PHACTR3: variants seen among roughly 807,000 people sequenced by gnomAD.
The protein encoded by PHACTR3 is protein phosphatase 1, regulatory subunit 123.
PHACTR3 carries 16 observed loss-of-function variants against 66.8 expected under a neutral mutation model. The ratio of observed to expected loss-of-function variants is 0.24; its 90% CI spans 0.16 to 0.36. PHACTR3 has a LOEUF of 0.36. Among genes scored for constraint, PHACTR3 ranks in the 10% least tolerant of loss-of-function variants. The probability of loss-of-function intolerance (pLI) is 1.00; values close to 1 mark genes in which losing one functional copy is unlikely to be tolerated. For synonymous variants in PHACTR3, 323 were observed against 292.1 expected (o/e 1.11, Z -1.08); for missense variants, 647 against 719.9 (o/e 0.90, Z 1.16).
intron 8 of PHACTR3, among the ~76,000 whole-genome samples, chr20:59,813,659 C>T (rs1468897860): frequency 6.6e-6 from 1 of 152,054 alleles, no homozygotes; most frequent in African/African-American, 2.4e-5. Context: ...GCAGACCAGC[C>T]AGTGAGAGCT....
At chr20:59,764,192 G>A (rs924310863) in intron 4 of PHACTR3, among the ~76,000 whole-genome samples, 1 of 152,122 alleles carries the variant, frequency 6.6e-6, no homozygotes, top group South Asian at 2.1e-4. Flanking sequence ...GATAGATCCA[G>A]ATGATTGGCT....
chr20:59,734,747 C>A (rs2038888044), intron 1 of PHACTR3, among the ~76,000 whole-genome samples: 1 of 152,054 alleles, frequency 6.6e-6, no homozygotes, highest in Non-Finnish European at 1.5e-5. Context: ...GACCTCAGAC[C>A]TAGCTTCCCC....
intron 1 of PHACTR3, among the ~76,000 whole-genome samples, chr20:59,620,480 CT>C (rs1339796385): frequency 6.6e-6 from 1 of 152,242 alleles, no homozygotes; most frequent in Non-Finnish European, 1.5e-5. Flanking sequence ...TCCTTAGTGT[CT>C]TCATAGCCTG....
intron 1 of PHACTR3, among the ~76,000 whole-genome samples, chr20:59,647,793 A>AG (rs2035334813): frequency 6.6e-6 from 1 of 152,192 alleles, no homozygotes; most frequent in Non-Finnish European, 1.5e-5. Context: ...TTCAGGTCCC[A>AG]GTCCCACCCT....
At chr20:59,746,610 G>A (rs1363543078) in intron 2 of PHACTR3, among the ~76,000 whole-genome samples, 1 of 152,230 alleles carries the variant, frequency 6.6e-6, no homozygotes, top group African/African-American at 2.4e-5. Context: ...ATGCTTTTGA[G>A]TAAGTGAAAT....
intron 1 of PHACTR3, among the ~76,000 whole-genome samples, chr20:59,649,329 G>T (rs577837676): frequency 6.6e-6 from 1 of 152,168 alleles, no homozygotes; most frequent in South Asian, 2.1e-4. Context: ...TCCTTAAAAA[G>T]ATTTCTTTAA....
intron 4 of PHACTR3, among the ~76,000 whole-genome samples, chr20:59,759,312 A>G (rs1161966073): frequency 6.6e-6 from 1 of 152,236 alleles, no homozygotes; most frequent in African/African-American, 2.4e-5. Context: ...TAAACGGGGT[A>G]TAACTTAACA....
At chr20:59,666,422 G>A (rs556084599) in intron 1 of PHACTR3, among the ~76,000 whole-genome samples, 2 of 152,344 alleles carry the variant, frequency 1.3e-5, no homozygotes, top group East Asian at 3.9e-4. Flanking sequence ...GGAATGTCAG[G>A]TGGATTCAGG....
At chr20:59,791,878 A>C (rs1168659033) in intron 7 of PHACTR3, among the ~76,000 whole-genome samples, 1 of 152,076 alleles carries the variant, frequency 6.6e-6, no homozygotes, top group Non-Finnish European at 1.5e-5. Flanking sequence ...AAGGAGCCCC[A>C]GTGCTACTGG....
Position 59,831,542 on chromosome 20 carries a change from C to T in PHACTR3, c.1329-4963C>T, listed in dbSNP as rs534056112. ...CGGCACCAGGACGTCACCAGCAGCCCCATTTCTGAATCAGGAGTCTCAAGC... is the reference window on the plus strand; with the variant it reads ...CGGCACCAGGACGTCACCAGCAGCCTCATTTCTGAATCAGGAGTCTCAAGC... On this transcript the variant is annotated intron_variant, in intron 8 of 12. Coordinates refer to ENST00000371015, the MANE Select transcript of PHACTR3 (RefSeq NM_080672.5). Among the ~76,000 whole-genome samples the T allele has an allele frequency of 3.8e-3, 586 of 152,256 alleles. 1 individual carries two copies. Among genetic ancestry groups the T allele is most frequent in the Non-Finnish European group, 4.7e-3 (319 of 68,012 alleles).
chr20:59,840,489 G>A (rs185186458), intron 10 of PHACTR3, 59 bp downstream of exon 10: 79 of 1,600,800 alleles, frequency 4.9e-5, no homozygotes, highest in Admixed American at 1.7e-4. Context: ...CAGCTGCTTC[G>A]GTAGCAGGTG....
At chr20:59,671,112 C>G (rs1021385443) in intron 1 of PHACTR3, among the ~76,000 whole-genome samples, 2 of 152,172 alleles carry the variant, frequency 1.3e-5, no homozygotes, top group Admixed American at 1.3e-4. Flanking sequence ...TTATTCTGAG[C>G]TTTTTTTTCT....
In PHACTR3 at chr20:59,643,132, C is replaced by T. The variant is rs971180698; in HGVS notation, c.118+38000C>T. On this transcript the variant is annotated intron_variant, in intron 1 of 12. Transcript: ENST00000371015. Reference sequence around the variant, plus strand: ...TTCACCATGTTAGCCAGGATGGTCTCGATCTCATGACCTTGTGATCCGCCC... The same window carrying T: ...TTCACCATGTTAGCCAGGATGGTCTTGATCTCATGACCTTGTGATCCGCCC... Among the ~76,000 whole-genome samples, 270 of 152,128 alleles carry T rather than the reference C, an allele frequency of 1.8e-3. 1 individual carries two copies. Among genetic ancestry groups the T allele is most frequent in the Middle Eastern group, 3.2e-3 (1 of 316 alleles).
At chr20:59,598,936 G>A (rs1173271913) in intron 1 of PHACTR3, among the ~76,000 whole-genome samples, 1 of 152,210 alleles carries the variant, frequency 6.6e-6, no homozygotes, top group African/African-American at 2.4e-5. Context: ...TTGCCTTCTT[G>A]TTTCTCTTTA....
At chr20:59,744,191 C>T (rs780313180) in intron 2 of PHACTR3, among the ~76,000 whole-genome samples, 6 of 152,360 alleles carry the variant, frequency 3.9e-5, no homozygotes, top group Non-Finnish European at 5.9e-5. Flanking sequence ...CCTGCCCCAT[C>T]GGAAGGGATG....
intron 1 of PHACTR3, among the ~76,000 whole-genome samples, chr20:59,686,659 G>GTGATGATGATGGTGA (rs1568711298): frequency 6.9e-6 from 1 of 145,376 alleles, no homozygotes; most frequent in Admixed American, 6.7e-5. Flanking sequence ...GATGATGGTG[G>GTGATGATGATGGTGA]TGATGATGAT....
At chr20:59,844,666 C>A (rs1383470108) in intron 11 of PHACTR3, 1 of 151,956 alleles carries the variant, frequency 6.6e-6, no homozygotes, top group Non-Finnish European at 1.5e-5. Flanking sequence ...ATGATAGATA[C>A]CAAAGGCTGG....
rs559896053 is a variant in PHACTR3 at position 59,767,106 on chromosome 20, A to C, written c.542-80A>C. On this transcript the variant is annotated intron_variant, in intron 4 of 12. Transcript: ENST00000371015. ...TGCTCTTCACGATCCCATCCCACCA[A>C]ACCCTCTTGCTTTGCTCTCTTACTT... 32 of 1,447,936 alleles carry C rather than the reference A, an allele frequency of 2.2e-5. No homozygotes were observed. In the South Asian group the frequency reaches 3.6e-4, roughly 16 times the overall value. The allele number at this position is 1,447,936 out of a possible 1,614,324, so 89.7% of individuals were successfully genotyped here. A position where few individuals can be genotyped will look rare whatever the true frequency, so the allele number is the denominator to read the frequency against.
At position 59,788,384 on chromosome 20, in the gene PHACTR3, G is replaced by A. The variant is rs1461965013; in HGVS notation, c.1174+13894G>A. On this transcript the variant is annotated intron_variant, in intron 7 of 12. Coordinates refer to ENST00000371015, the MANE Select transcript of PHACTR3 (RefSeq NM_080672.5). ...CTTACCCTCAGGCACCCATTGCAGG[G>A]TCTGGATGCCCCCCACGCCTGGCAG... 2.0e-5 allele frequency among the ~76,000 whole-genome samples: 3 copies of A among 152,226 alleles called. No individual in the cohort carries two copies. In the East Asian group the frequency reaches 5.8e-4, roughly 29 times the overall value.
Sources: gnomAD v4.1 joint callset for allele counts (sites outside exome capture counted in the v4.1 genomes callset) on GRCh38, gnomAD v4.1.1 for gene constraint, MANE v1.5 for transcripts, NCBI Gene and HGNC (gene_info 2026-07-23, HGNC 2026-07-21) for gene names.